Variants in NFRKB observed in about 807,000 individuals in gnomAD.
NFRKB encodes nuclear factor related to kappaB binding protein, also known as nuclear factor related to kappa-B-binding protein.
A neutral mutation model predicts 135.7 loss-of-function variants in NFRKB; 62 were observed. That is an observed-to-expected ratio of 0.46 (90% CI 0.37 to 0.56). The LOEUF (loss-of-function observed/expected upper bound fraction) is 0.56. Among genes scored for constraint, NFRKB ranks in the 20% least tolerant of loss-of-function variants. The probability of loss-of-function intolerance (pLI) is 0.00; values close to 1 mark genes in which losing one functional copy is unlikely to be tolerated. For synonymous variants in NFRKB, 678 were observed against 635.6 expected (o/e 1.07, Z -1.00); for missense variants, 1,545 against 1,662.0 (o/e 0.93, Z 1.22).
chr11:129,879,636 G>C (rs1948935341), intron 13 of NFRKB, among the ~76,000 whole-genome samples: 1 of 152,116 alleles, frequency 6.6e-6, no homozygotes, highest in Non-Finnish European at 1.5e-5. Context: ...GGAAAACCCT[G>C]CTCCAGGCTT....
Position 129,864,191 on chromosome 11 carries a change from G to C in NFRKB, c.*534C>G, listed in dbSNP as rs1422462534. 5 of 152,562 alleles carry C rather than the reference G, an allele frequency of 3.3e-5. No homozygotes were observed. The highest frequency in any genetic ancestry group is 7.3e-5 in the Non-Finnish European group (5 of 68,372). 9.5% of individuals were successfully genotyped at this position (152,562 alleles called of 1,614,324 possible). ...AGATTCTTGCCATTTTCTCATTCTA[G>C]TCAAAAAAGTAAGTCATCGGTTTAG... On this transcript the variant is annotated 3_prime_UTR_variant, in exon 27 of 27. Transcript: ENST00000682444.
Position 129,864,643 on chromosome 11 carries a change from A to G in NFRKB, c.*82T>C. The G allele has an allele frequency of 3.1e-6, 5 of 1,592,470 alleles. No individual in the cohort carries two copies. Among genetic ancestry groups the G allele is most frequent in the Non-Finnish European group, 4.3e-6 (5 of 1,167,078 alleles). On this transcript the variant is annotated 3_prime_UTR_variant, in exon 27 of 27. Transcript: ENST00000682444. Reference sequence around the variant, plus strand: ...GGCTGCCTTGAACAGGCAAGCTTAAAACAATGATGCAACCTCCCTGGTCCC... The same window carrying G: ...GGCTGCCTTGAACAGGCAAGCTTAAGACAATGATGCAACCTCCCTGGTCCC...
chr11:129,874,996 CATT>C lies in NFRKB; in HGVS notation c.1855-83_1855-81del. On this transcript the variant is annotated intron_variant, in intron 18 of 26. Coordinates refer to ENST00000682444, the MANE Select transcript of NFRKB (RefSeq NM_001143835.2). The surrounding 1 kb of genome is among the most constrained non-coding windows in gnomAD (Gnocchi z 4.5). ...TATTTGAACTCTAGGAAAAAAATGT[CATT>C]GTATCTAAATCACAGCTGATGCAGA... is the stretch of plus-strand genomic sequence containing the variant. 6.4e-7 allele frequency: 1 copy of C among 1,558,278 alleles called. No homozygotes were observed. Among genetic ancestry groups the C allele is most frequent in the Non-Finnish European group, 8.8e-7 (1 of 1,135,864 alleles).
chr11:129,892,616 G>T, intron 3 of NFRKB, 99 bp downstream of exon 3: 1 of 1,266,032 alleles, frequency 7.9e-7, no homozygotes. Context: ...GAACAAAAGG[G>T]AGCACAAAAG....
At position 129,885,030 on chromosome 11, in the gene NFRKB, A is replaced by G. The variant is rs1415790371; in HGVS notation, c.641-184T>C. On this transcript the variant is annotated intron_variant, in intron 6 of 26. Transcript: ENST00000682444. ...ACTTAGGTCATCTAACGGCTCTTCC[A>G]GGAAGAGAGACTTCAACAGAGTGCT... 3 of 815,246 alleles carry G rather than the reference A, an allele frequency of 3.7e-6. No homozygotes were observed. In the East Asian group the frequency reaches 8.1e-5, roughly 22 times the overall value. 50.5% of individuals were successfully genotyped at this position (815,246 alleles called of 1,614,324 possible). A position where few individuals can be genotyped will look rare whatever the true frequency, so the allele number is the denominator to read the frequency against.
intron 22 of NFRKB, 31 bp downstream of exon 22, chr11:129,873,714 G>A: frequency 6.2e-7 from 1 of 1,602,582 alleles, no homozygotes; most frequent in East Asian, 2.2e-5. Flanking sequence ...CTGCATCTCT[G>A]CTTCCCAATG....
At chr11:129,891,793 T>G (rs543561045) in intron 3 of NFRKB, among the ~76,000 whole-genome samples, 1 of 152,198 alleles carries the variant, frequency 6.6e-6, no homozygotes, top group Non-Finnish European at 1.5e-5. Flanking sequence ...GGAATGAAAG[T>G]GTCTCAAACA....
At chr11:129,889,951 C>G (rs1357976946) in intron 3 of NFRKB, among the ~76,000 whole-genome samples, 1 of 135,286 alleles carries the variant, frequency 7.4e-6, no homozygotes, top group South Asian at 2.4e-4. Context: ...TATTGTCTTA[C>G]GTGTGTGTGT....
At chr11:129,880,051 G>C (rs767851785) in intron 13 of NFRKB, among the ~76,000 whole-genome samples, 1 of 152,098 alleles carries the variant, frequency 6.6e-6, no homozygotes, top group Non-Finnish European at 1.5e-5. Flanking sequence ...GCCAGGCATG[G>C]TTGCGTACGC....
intron 6 of NFRKB, 84 bp from the exon 7 acceptor site, chr11:129,884,930 A>G: frequency 6.2e-7 from 1 of 1,605,076 alleles, no homozygotes; most frequent in Non-Finnish European, 8.5e-7. Flanking sequence ...TTTGGGTTCA[A>G]CAAGGCTAAG....
chr11:129,865,166 G>C, intron 25 of NFRKB, 65 bp from the exon 26 acceptor site: 1 of 1,563,460 alleles, frequency 6.4e-7, no homozygotes, highest in Admixed American at 1.7e-5. Flanking sequence ...CCAGATTTAG[G>C]CCATGTATTG....
chr11:129,883,980 G>T, intron 8 of NFRKB, 90 bp downstream of exon 8: 1 of 1,320,882 alleles, frequency 7.6e-7, no homozygotes. Context: ...ACATACAGAC[G>T]AGGCAGTGAT....
Position 129,877,358 on chromosome 11 carries a change from G to C in NFRKB, c.1539C>G (p.Ser513Arg). Residue 513 changes from serine to arginine, a missense_variant, in exon 16 of 27, where the codon AGC becomes AGG. By Grantham distance (110) the Ser-to-Arg change is moderately radical (BLOSUM62 -1). Transcript: ENST00000682444. Reference protein sequence around the residue: ...RVRTDYVVRPSTGEEKRVFQE... With the variant: ...RVRTDYVVRPRTGEEKRVFQE... ...GAAAAACCCGTTTCTCCTCCCCCGT[G>C]CTGGGACGCACCACATAGTCAGTTC... is the stretch of plus-strand genomic sequence containing the variant. 6.2e-7 allele frequency: 1 copy of C among 1,614,144 alleles called. No homozygotes were observed. Among genetic ancestry groups the C allele is most frequent in the South Asian group, 1.1e-5 (1 of 91,084 alleles).
intron 4 of NFRKB, among the ~76,000 whole-genome samples, chr11:129,887,593 G>A (rs912903110): frequency 1.3e-5 from 2 of 152,112 alleles, no homozygotes; most frequent in Non-Finnish European, 2.9e-5. Flanking sequence ...GGCTCTTCGT[G>A]TACTGAAAGA....
chr11:129,890,757 G>C (rs373177679), intron 3 of NFRKB, among the ~76,000 whole-genome samples: 25 of 152,270 alleles, frequency 1.6e-4, no homozygotes, highest in Middle Eastern at 3.4e-3. Flanking sequence ...GACGCATCTT[G>C]CCTGTGAAAG....
intron 3 of NFRKB, 137 bp downstream of exon 3, chr11:129,892,578 A>C (rs1949608945): frequency 6.0e-6 from 5 of 827,194 alleles, no homozygotes; most frequent in Admixed American, 5.2e-5. Flanking sequence ...AAAAGATAAG[A>C]GATCAGGCTG....
intron 8 of NFRKB, 146 bp downstream of exon 8, chr11:129,883,924 C>T: frequency 1.2e-6 from 1 of 844,944 alleles, no homozygotes; most frequent in Non-Finnish European, 2.0e-6. Context: ...ATCGTTGATG[C>T]TAGCTAGCCT....
rs1373582504 is a variant in NFRKB at position 129,882,070 on chromosome 11, T to C, written c.1191+16A>G. On this transcript the variant is annotated intron_variant, in intron 11 of 26. Transcript: ENST00000682444. ...TGAAAACTCTAATGTACCTCCAACT[T>C]TTCCAAAACGCTTACCATAGGAAGG... 1 of 1,586,484 alleles carries C rather than the reference T, an allele frequency of 6.3e-7. No homozygotes were observed. The highest frequency in any genetic ancestry group is 8.5e-7 in the Non-Finnish European group (1 of 1,170,066).
chr11:129,885,916 T>C (rs558488629), intron 5 of NFRKB, among the ~76,000 whole-genome samples: 3 of 152,314 alleles, frequency 2.0e-5, no homozygotes, highest in South Asian at 4.2e-4. Flanking sequence ...CCTCTAAGAA[T>C]TTCCAGGCTG....
Sources: allele counts gnomAD v4.1 joint callset (sites outside exome capture counted in the v4.1 genomes callset), GRCh38; gene constraint gnomAD v4.1.1; non-coding constraint Gnocchi (gnomAD v3.1); transcripts MANE v1.5; gene names NCBI Gene and HGNC (gene_info 2026-07-23, HGNC 2026-07-21).